The following ANKRD34B variants were observed in gnomAD, a reference collection of about 807,000 sequenced individuals.
The protein encoded by ANKRD34B is ankyrin repeat domain 34B.
ANKRD34B carries 2 observed loss-of-function variants against 4.4 expected under a neutral mutation model. The ratio of observed to expected loss-of-function variants is 0.46; its 90% confidence interval spans 0.19 to 1.44. ANKRD34B has a LOEUF of 1.44. Ranked by LOEUF, ANKRD34B falls within the 40% of genes most tolerant of loss-of-function variation. The pLI is 0.26. For synonymous variants in ANKRD34B, 226 were observed against 227.1 expected, an observed-to-expected ratio of 0.99 and a Z score of 0.05; for missense variants, 558 against 604.7, an observed-to-expected ratio of 0.92 and a Z score of 0.81.
In ANKRD34B at chr5:80,558,523, C is replaced by G. The variant is rs1746313238; in HGVS notation, c.1497G>C (p.Arg499Ser). 1 of 1,613,852 alleles carries G rather than the reference C, an allele frequency of 6.2e-7. No homozygotes were observed. Among genetic ancestry groups the G allele is most frequent in the Admixed American group, 1.7e-5 (1 of 59,992 alleles). The change falls in exon 5 of 5, where the codon AGG (arginine) becomes AGC (serine). Residue 499 changes from arginine (R) to serine (S), a missense_variant. Coordinates refer to ENST00000338682, the MANE Select transcript of ANKRD34B (RefSeq NM_001004441.3). ...TTTGTTCAGTTTGCAATGATTGTCT[C>G]CTTAACAACATTTTCTTACTTTTGA... ...KEFKSKKMLL[R>S]RQSLQTEQIK...
At chr5:80,569,540 C>T (rs977038614) in intron 1 of ANKRD34B, among the ~76,000 whole-genome samples, 6 of 151,542 alleles carry the variant, frequency 4.0e-5, no homozygotes, top group Admixed American at 3.9e-4. Context: ...AGCGCCCAGC[C>T]GGCACCTCCT....
chr5:80,559,637 G>GA lies in ANKRD34B; in HGVS notation c.382dup (p.Ser128PhefsTer12). On this transcript the variant is annotated frameshift_variant, in exon 5 of 5. Transcript: ENST00000338682. LOFTEE classifies it low-confidence loss of function (END_TRUNC). Reference sequence around the variant, plus strand: ...AACTTTCAGGGTCTCTGTATCTTCTGAATTTATAGCATAAACAAGAGCTGA... The same window carrying GA: ...AACTTTCAGGGTCTCTGTATCTTCTGAAATTTATAGCATAAACAAGAGCTGA... 1 of 1,614,184 alleles carries GA rather than the reference G, an allele frequency of 6.2e-7. No individual in the cohort carries two copies. Among genetic ancestry groups the GA allele is most frequent in the Non-Finnish European group, 8.5e-7 (1 of 1,180,050 alleles).
chr5:80,569,512 A>G (rs1746688764), intron 1 of ANKRD34B, among the ~76,000 whole-genome samples: 1 of 151,804 alleles, frequency 6.6e-6, no homozygotes, highest in African/African-American at 2.4e-5. Flanking sequence ...AGGGCTCCGC[A>G]GTCCCCAGCC....
chr5:80,558,679 CCCTTGT>C lies in ANKRD34B; in HGVS notation c.1335_1340del (p.Gln446_Gly447del). The C allele has an allele frequency of 6.2e-7, 1 of 1,614,074 alleles. No homozygotes were observed. The highest frequency in any genetic ancestry group is 1.6e-4 in the Middle Eastern group (1 of 6,062). The stretch of plus-strand genomic sequence containing the variant: ...AATTTACATTTAAGGGTGGGAGAAA[CCCTTGT>C]CTGGTTTGGGTAACACTGTGATCTA... On this transcript the variant is annotated inframe_deletion, in exon 5 of 5. Transcript: ENST00000338682.
intron 4 of ANKRD34B, among the ~76,000 whole-genome samples, chr5:80,561,044 A>G (rs1746392876): frequency 6.6e-6 from 1 of 152,238 alleles, no homozygotes; most frequent in Non-Finnish European, 1.5e-5. Context: ...AATTTTGACA[A>G]CAGTATATCT....
rs1401217515 is a variant in ANKRD34B, at chr5:80,559,786, G to T, written c.234C>A (p.Asn78Lys). 1 of 1,614,212 alleles carries T rather than the reference G, an allele frequency of 6.2e-7. No individual in the cohort carries two copies. Among genetic ancestry groups the T allele is most frequent in the South Asian group, 1.1e-5 (1 of 91,090 alleles). ...CCGTTTTCCCAGATTTGTCCTGTAT[G>T]TTGGGATCGGCATTGTTCTCTAACA... ...KYLLENNADP[N>K]IQDKSGKTAL... Residue 78 changes from asparagine to lysine, a missense_variant, in exon 5 of 5, where the codon AAC (asparagine) becomes AAA (lysine). Physicochemically the swap from Asn to Lys is moderately conservative, Grantham distance 94. Transcript: ENST00000338682.
intron 3 of ANKRD34B, among the ~76,000 whole-genome samples, chr5:80,565,220 T>A (rs1262214431): frequency 4.6e-5 from 7 of 152,344 alleles, no homozygotes; most frequent in African/African-American, 1.4e-4. Context: ...CATTTGTACA[T>A]CAAAAACACT....
At position 80,557,432 on chromosome 5, in the gene ANKRD34B, T is replaced by C. The variant is rs138726088; in HGVS notation, c.*1043A>G. ...GCATTGTTTAATATTGCCAAATATT[T>C]AGTACATTTTGTGATTAAGTTTCTA... On this transcript the variant is annotated 3_prime_UTR_variant, in exon 5 of 5. Coordinates refer to ENST00000338682, the MANE Select transcript of ANKRD34B (RefSeq NM_001004441.3). The C allele has an allele frequency of 2.6e-4, 39 of 152,186 alleles. No individual in the cohort carries two copies. Among genetic ancestry groups the C allele is most frequent in the Non-Finnish European group, 4.6e-4 (31 of 67,972 alleles). The allele number at this position is 152,186 out of a possible 1,614,324, so 9.4% of individuals were successfully genotyped here.
intron 3 of ANKRD34B, 135 bp downstream of exon 3, chr5:80,566,554 G>A (rs1001169677): frequency 6.6e-6 from 1 of 152,598 alleles, no homozygotes; most frequent in Non-Finnish European, 1.5e-5. Flanking sequence ...TGGAAGCCAG[G>A]AAAAGGAAGT....
chr5:80,568,719 T>G (rs1050532786), intron 2 of ANKRD34B, among the ~76,000 whole-genome samples: 2 of 152,076 alleles, frequency 1.3e-5, no homozygotes, highest in African/African-American at 4.8e-5. Context: ...GGTATTGACT[T>G]GCAAGAAATA....
Position 80,559,090 on chromosome 5 carries a change from A to G in ANKRD34B, c.930T>C (p.Asp310=), listed in dbSNP as rs749243952. Residue 310 remains aspartate, a synonymous_variant, in exon 5 of 5, where the codon GAT becomes GAC. Transcript: ENST00000338682. ...KDTAHLLRAF[D]QASSRKMSYD... ...ATGACATCTTCCTTGAGCTGGCCTGATCAAAGGCTCTTAGCAAATGTGCAG... is the reference window on the plus strand; with the variant it reads ...ATGACATCTTCCTTGAGCTGGCCTGGTCAAAGGCTCTTAGCAAATGTGCAG... The G allele has an allele frequency of 1.9e-6, 3 of 1,614,224 alleles. No individual in the cohort carries two copies. The highest frequency in any genetic ancestry group is 2.2e-5 in the South Asian group (2 of 91,088).
rs772087145 is a variant in ANKRD34B at position 80,559,726 on chromosome 5, AG to A, written c.293del (p.Pro98LeufsTer29). ...LMHACLEKAG[P>X]EVVSLLLKSG... ...TCTTGAGGAGCAAGGAAACAACTTC[AG>A]GGCCAGCTTTTTCTAAGCAAGCATG... is the stretch of plus-strand genomic sequence containing the variant. On this transcript the variant is annotated frameshift_variant, in exon 5 of 5. Transcript: ENST00000338682. LOFTEE classifies it low-confidence loss of function (END_TRUNC). 1.9e-6 allele frequency: 3 copies of A among 1,614,228 alleles called. No homozygotes were observed. Among genetic ancestry groups the A allele is most frequent in the Non-Finnish European group, 2.5e-6 (3 of 1,180,036 alleles).
chr5:80,562,954 C>T (rs249220), intron 4 of ANKRD34B, among the ~76,000 whole-genome samples: 136,877 of 152,086 alleles, frequency 0.9, 61,885 homozygotes, highest in East Asian at 1. Flanking sequence ...CTAGAACAAA[C>T]TGAAAAAAGC....
chr5:80,559,332 C>G lies in ANKRD34B; in HGVS notation c.688G>C (p.Val230Leu), dbSNP rs368378671. 1 of 1,614,178 alleles carries G rather than the reference C, an allele frequency of 6.2e-7. No individual in the cohort carries two copies. The highest frequency in any genetic ancestry group is 8.5e-7 in the Non-Finnish European group (1 of 1,180,028). The change falls in exon 5 of 5, where the codon GTG becomes CTG. Residue 230 changes from valine to leucine, a missense_variant. Transcript: ENST00000338682. ...NDDTWDPGSPVRKPALAPKGP... is the reference protein window; with the variant it reads ...NDDTWDPGSPLRKPALAPKGP... ...TTAGGGGCCAATGCAGGTTTCCTCACAGGGGAACCTGGGTCCCAGGTATCA... is the reference window on the plus strand; with the variant it reads ...TTAGGGGCCAATGCAGGTTTCCTCAGAGGGGAACCTGGGTCCCAGGTATCA...
chr5:80,558,474 C>G lies in ANKRD34B; in HGVS notation c.*1G>C. 2 of 1,586,418 alleles carry G rather than the reference C, an allele frequency of 1.3e-6. No homozygotes were observed. ...AAGAAGATGTGTTTTATACCCATCT[C>G]CTAGAAGTTTACTAATTGCTTAATT... On this transcript the variant is annotated 3_prime_UTR_variant, in exon 5 of 5. Transcript: ENST00000338682.
chr5:80,568,925 C>G (rs486631), intron 2 of ANKRD34B, 35 bp downstream of exon 2: 700 of 49,898 alleles, frequency 0.014, 17 homozygotes, highest in East Asian at 0.049. Context: ...CACACACACA[C>G]AGAGAGAGAG....
At chr5:80,569,541 G>C (rs376092606) in intron 1 of ANKRD34B, among the ~76,000 whole-genome samples, 10 of 151,292 alleles carry the variant, frequency 6.6e-5, no homozygotes, top group African/African-American at 1.9e-4. Flanking sequence ...GCGCCCAGCC[G>C]GCACCTCCTG....
rs984313632 is a variant in ANKRD34B, at chr5:80,558,811, T to C, written c.1209A>G (p.Gln403=). 2.5e-6 allele frequency: 4 copies of C among 1,613,972 alleles called. No homozygotes were observed. Among genetic ancestry groups the C allele is most frequent in the Non-Finnish European group, 3.4e-6 (4 of 1,180,014 alleles). The change falls in exon 5 of 5, where the codon CAA becomes CAG. Residue 403 remains glutamine (Q), a synonymous_variant. Coordinates refer to ENST00000338682, the MANE Select transcript of ANKRD34B (RefSeq NM_001004441.3). ...KKKILSPSPS[Q]LSESKELLEN... is the part of the protein sequence containing the mutation. The stretch of plus-strand genomic sequence containing the variant: ...CCAACAATTCTTTGGACTCTGACAA[T>C]TGGGAAGGAGATGGTGAGAGGATCT...
chr5:80,562,763 C>T (rs924392157), intron 4 of ANKRD34B, among the ~76,000 whole-genome samples: 4 of 152,140 alleles, frequency 2.6e-5, no homozygotes, highest in Admixed American at 6.6e-5. Context: ...CTTTATTCTC[C>T]AAATGTACCC....
Sources: allele counts gnomAD v4.1 joint callset (sites outside exome capture counted in the v4.1 genomes callset), GRCh38; gene constraint gnomAD v4.1.1; transcripts MANE v1.5; gene names NCBI Gene and HGNC (gene_info 2026-07-23, HGNC 2026-07-21).